Variants in ACSL5 observed in about 807,000 individuals in gnomAD.
ACSL5 encodes acyl-CoA synthetase long chain family member 5.
A neutral mutation model predicts 84.9 loss-of-function variants in ACSL5; 50 were observed. The observed-to-expected ratio is 0.59, with a 90% CI of 0.47 to 0.75. ACSL5 has a LOEUF of 0.75. ACSL5 is among the 30% of genes least tolerant of loss of function. The pLI is 0.00. For missense variants in ACSL5, 775 were observed against 830.4 expected, an observed-to-expected ratio of 0.93 and a Z score of 0.82; for synonymous variants, 280 against 300.7, an observed-to-expected ratio of 0.93 and a Z score of 0.71.
intron 11 of ACSL5, chr10:112,412,406 G>A (rs1844198386): frequency 5.9e-6 from 1 of 169,208 alleles, no homozygotes. Context: ...CATAAGGTGT[G>A]AGATGTCCCC....
In ACSL5 at chr10:112,428,067, A is replaced by G. The variant is rs1305335865; in HGVS notation, c.*709A>G. 3 of 206,522 alleles carry G rather than the reference A, an allele frequency of 1.5e-5. No homozygotes were observed. Among genetic ancestry groups the G allele is most frequent in the Non-Finnish European group, 1.9e-5 (2 of 103,942 alleles). 12.8% of individuals were successfully genotyped at this position (206,522 alleles called of 1,614,324 possible). ...ATGCTGTTCTTAAAGCATTATTTAC[A>G]GTAGGAACTGGGGAGTAAATCTGTT... On this transcript the variant is annotated 3_prime_UTR_variant, in exon 21 of 21. Coordinates refer to ENST00000354655, the MANE Select transcript of ACSL5 (RefSeq NM_203379.2).
At chr10:112,379,051 A>G (rs1048701773) in intron 1 of ACSL5, among the ~76,000 whole-genome samples, 17 of 152,136 alleles carry the variant, frequency 1.1e-4, no homozygotes, top group African/African-American at 4.1e-4. Context: ...TCTGGGGTAA[A>G]GCTAGGTCAG....
chr10:112,395,610 A>C (rs1180995562), intron 2 of ACSL5, among the ~76,000 whole-genome samples: 1 of 152,166 alleles, frequency 6.6e-6, no homozygotes, highest in Non-Finnish European at 1.5e-5. Context: ...GTTTGAGTTA[A>C]ATTTATTTTT....
At chr10:112,394,571 C>G (rs1036819176) in intron 1 of ACSL5, 2 of 232,308 alleles carry the variant, frequency 8.6e-6, no homozygotes, top group African/African-American at 4.7e-5. Context: ...TATGTTGGGT[C>G]TAGCAGGCTG....
At chr10:112,423,695 G>C (rs1844564962) in intron 17 of ACSL5, among the ~76,000 whole-genome samples, 1 of 152,158 alleles carries the variant, frequency 6.6e-6, no homozygotes, top group Non-Finnish European at 1.5e-5. Context: ...CTGCACATCA[G>C]AGTTGGCATG....
chr10:112,417,858 G>A lies in ACSL5; in HGVS notation c.1231G>A (p.Gly411Arg), dbSNP rs34585626. 1.2e-3 allele frequency: 1,934 copies of A among 1,613,878 alleles called. 7 individuals carry two copies. In the African/African-American group the frequency reaches 0.013, roughly 10 times the overall value. ...TTCCACTGAACAGGACAGCCTGGGC[G>A]GAAGGGTTCGTGTAATTGTCACTGG... ...IFAKIQDSLG[G>R]RVRVIVTGAA... The change falls in exon 14 of 21, where the codon GGA becomes AGA. Residue 411 changes from glycine (G) to arginine (R), a missense_variant. Gly to Arg is a moderately radical substitution (Grantham distance 125, BLOSUM62 -2). Transcript: ENST00000354655.
intron 2 of ACSL5, among the ~76,000 whole-genome samples, chr10:112,397,016 A>G (rs1484838043): frequency 6.6e-6 from 1 of 151,978 alleles, no homozygotes; most frequent in Admixed American, 6.6e-5. Context: ...TGCTTATTTA[A>G]TTGTTGCCTG....
chr10:112,386,642 G>A (rs1207544804), intron 1 of ACSL5, among the ~76,000 whole-genome samples: 1 of 151,994 alleles, frequency 6.6e-6, no homozygotes, highest in African/African-American at 2.4e-5. Flanking sequence ...TAGCATTTTA[G>A]TTCCTAAGAA....
Position 112,427,220 on chromosome 10 carries a change from CA to C in ACSL5, c.1917del (p.Ala640ProfsTer16), listed in dbSNP as rs1429799382. 1.2e-6 allele frequency: 2 copies of C among 1,610,930 alleles called. No individual in the cohort carries two copies. Among genetic ancestry groups the C allele is most frequent in the Admixed American group, 3.4e-5 (2 of 59,450 alleles). Reference sequence around the variant, plus strand: ...ATGTGTGTGTGTTCATCTTCCAGGTCAAAGCCATTTTTCTTCATCCAGAGCC... The same window carrying C: ...ATGTGTGTGTGTTCATCTTCCAGGTCAAGCCATTTTTCTTCATCCAGAGCC... Reference protein sequence around the residue: ...ESGLKTFEQVKAIFLHPEPFS... With the variant: ...ESGLKTFEQVXAIFLHPEPFS... On this transcript the variant is annotated frameshift_variant, in exon 21 of 21. Transcript: ENST00000354655. LOFTEE classifies it high-confidence loss of function.
At chr10:112,418,979 T>C (rs1165164217) in intron 14 of ACSL5, 1 of 152,210 alleles carries the variant, frequency 6.6e-6, no homozygotes, top group Non-Finnish European at 1.5e-5. Flanking sequence ...CCCAAATAAC[T>C]AATCTCCTAT....
intron 12 of ACSL5, among the ~76,000 whole-genome samples, chr10:112,413,726 A>C (rs1054680563): frequency 2.0e-5 from 3 of 152,166 alleles, no homozygotes; most frequent in Admixed American, 6.5e-5. Flanking sequence ...CTCCATCTCA[A>C]AAAATAAATA....
intron 1 of ACSL5, among the ~76,000 whole-genome samples, chr10:112,378,731 A>T (rs1446134739): frequency 1.3e-5 from 2 of 152,180 alleles, no homozygotes; most frequent in African/African-American, 4.8e-5. Context: ...ATCACTGCTT[A>T]TCACATTCTG....
At position 112,410,631 on chromosome 10, in the gene ACSL5, C is replaced by G; in HGVS notation, c.792C>G (p.Thr264=). ...GCGTCATCTGCTTCACCAGTGGGACCACAGGTCTGTGCCCATGAAACTGAA... is the reference window on the plus strand; with the variant it reads ...GCGTCATCTGCTTCACCAGTGGGACGACAGGTCTGTGCCCATGAAACTGAA... The part of the protein sequence containing the change: ...DLSVICFTSG[T]TGDPKGAMIT... Residue 264 remains threonine (T), a synonymous_variant, in exon 9 of 21, where the codon ACC becomes ACG. Transcript: ENST00000354655. 1 of 1,613,378 alleles carries G rather than the reference C, an allele frequency of 6.2e-7. No individual in the cohort carries two copies. The highest frequency in any genetic ancestry group is 8.5e-7 in the Non-Finnish European group (1 of 1,179,844).
chr10:112,417,967 T>C (rs1374954709), intron 14 of ACSL5, 26 bp downstream of exon 14: 3 of 1,537,376 alleles, frequency 2.0e-6, no homozygotes, highest in Non-Finnish European at 2.6e-6. Context: ...TCTTTGAGAA[T>C]AGGCTATTTT....
At chr10:112,410,530 A>G (rs1217771960) in intron 8 of ACSL5, 35 bp downstream of exon 8, 5 of 1,614,094 alleles carry the variant, frequency 3.1e-6, no homozygotes, top group African/African-American at 1.3e-5. Flanking sequence ...GAGCCTTGCC[A>G]TAGTCAACTC....
intron 5 of ACSL5, among the ~76,000 whole-genome samples, chr10:112,408,014 T>A (rs1394277587): frequency 6.6e-6 from 1 of 152,142 alleles, no homozygotes; most frequent in Admixed American, 6.5e-5. Context: ...CAGTGATTTT[T>A]TTTTTTACAT....
intron 1 of ACSL5, chr10:112,376,484 G>T (rs1046319448): frequency 8.1e-6 from 13 of 1,613,556 alleles, no homozygotes; most frequent in Middle Eastern, 1.7e-4. Flanking sequence ...ATTCAGCAAG[G>T]GGGTCTTGTG....
At chr10:112,376,224 C>A in intron 1 of ACSL5, 1 of 1,534,406 alleles carries the variant, frequency 6.5e-7, no homozygotes, top group African/African-American at 1.4e-5. Flanking sequence ...AGTCCCCGAG[C>A]ACGTTAGAAA....
At chr10:112,392,732 T>A (rs965318258) in intron 1 of ACSL5, among the ~76,000 whole-genome samples, 10 of 138,962 alleles carry the variant, frequency 7.2e-5, no homozygotes, top group Admixed American at 6.9e-4. Context: ...CAGAGCGAGA[T>A]TCTGTCTCAA....
Sources: gnomAD v4.1 joint callset for allele counts (sites outside exome capture counted in the v4.1 genomes callset) on GRCh38, gnomAD v4.1.1 for gene constraint, MANE v1.5 for transcripts, NCBI Gene and HGNC (gene_info 2026-07-23, HGNC 2026-07-21) for gene names.